CPLX2: variants seen among roughly 807,000 people sequenced by gnomAD.
CPLX2 encodes complexin-2.
CPLX2 carries 5 observed loss-of-function variants against 16.3 expected under a neutral mutation model. The ratio of observed to expected loss-of-function variants is 0.31; its 90% confidence interval spans 0.16 to 0.64. The LOEUF is 0.64. Among genes scored for constraint, CPLX2 ranks in the 30% least tolerant of loss-of-function variants. The probability of loss-of-function intolerance (pLI) is 0.79; values close to 1 mark genes in which losing one functional copy is unlikely to be tolerated. For synonymous variants in CPLX2, 89 were observed against 73.2 expected (o/e 1.22, Z -1.10); for missense variants, 144 against 181.4 (o/e 0.79, Z 1.18).
chr5:175,869,294 G>C (rs529907313), upstream of CPLX2, among the ~76,000 whole-genome samples: 22 of 152,326 alleles, frequency 1.4e-4, no homozygotes, highest in South Asian at 4.1e-3. Flanking sequence ...AGCTTAGGCA[G>C]TTTTTTATAG....
chr5:175,822,372 C>T (rs1758527886), intron 2 of CPLX2, among the ~76,000 whole-genome samples: 2 of 152,170 alleles, frequency 1.3e-5, no homozygotes, highest in Admixed American at 6.5e-5. Flanking sequence ...GGGTCTCAGC[C>T]CAGTGACTCA....
intron 1 of CPLX2, among the ~76,000 whole-genome samples, chr5:175,799,343 A>C (rs4867805): frequency 0.42 from 63,485 of 151,690 alleles, 14,366 homozygotes; most frequent in Middle Eastern, 0.58. Context: ...TGGGGAGAAA[A>C]TGGCCCAAAG....
chr5:175,862,195 T>C (rs1759385660), intron 2 of CPLX2, among the ~76,000 whole-genome samples: 1 of 152,208 alleles, frequency 6.6e-6, no homozygotes, highest in Non-Finnish European at 1.5e-5. Flanking sequence ...AGATGCTCAG[T>C]ATGTGTTTGC....
At chr5:175,818,200 G>A (rs1474457777) in intron 2 of CPLX2, among the ~76,000 whole-genome samples, 1 of 152,142 alleles carries the variant, frequency 6.6e-6, no homozygotes, top group Non-Finnish European at 1.5e-5. Context: ...ACTAGGGAGG[G>A]GAAGGATGAG....
chr5:175,874,196 C>T (rs1039327611), intron 1 of CPLX2, among the ~76,000 whole-genome samples: 1 of 152,114 alleles, frequency 6.6e-6, no homozygotes, highest in Non-Finnish European at 1.5e-5. Context: ...GAGGGAGAGA[C>T]AGTTAGAGGT....
intron 1 of CPLX2, among the ~76,000 whole-genome samples, chr5:175,807,207 G>A (rs1489064286): frequency 2.0e-5 from 3 of 152,180 alleles, no homozygotes; most frequent in Non-Finnish European, 4.4e-5. Context: ...AGTAGTTCAC[G>A]CTTTTGATTC....
At chr5:175,832,231 A>G (rs976120377) in intron 2 of CPLX2, among the ~76,000 whole-genome samples, 1 of 152,144 alleles carries the variant, frequency 6.6e-6, no homozygotes, top group African/African-American at 2.4e-5. Context: ...CTCATTTCCT[A>G]TGTGCCTGGC....
intron 2 of CPLX2, among the ~76,000 whole-genome samples, chr5:175,829,746 G>A (rs1460294719): frequency 6.6e-6 from 1 of 152,210 alleles, no homozygotes; most frequent in Non-Finnish European, 1.5e-5. Flanking sequence ...TGAAGAAACT[G>A]AGAGACTTTA....
chr5:175,808,476 A>C (rs781243870), intron 1 of CPLX2, among the ~76,000 whole-genome samples: 1 of 152,070 alleles, frequency 6.6e-6, no homozygotes, highest in Non-Finnish European at 1.5e-5. Context: ...AGTGTAAAAA[A>C]AAAATCTTCA....
chr5:175,827,757 CAATA>C (rs570632804), intron 2 of CPLX2, among the ~76,000 whole-genome samples: 2 of 152,004 alleles, frequency 1.3e-5, no homozygotes, highest in African/African-American at 2.4e-5. Flanking sequence ...GACTCCGTCT[CAATA>C]AATAAATAAA....
upstream of CPLX2, chr5:175,871,447 G>GAA (rs1759603317): frequency 1.0e-5 from 1 of 95,734 alleles, no homozygotes; most frequent in African/African-American, 4.2e-5. Flanking sequence ...GAGAGAGAGA[G>GAA]AGAGAGAGAG....
intron 1 of CPLX2, among the ~76,000 whole-genome samples, chr5:175,798,427 A>T (rs1758032549): frequency 6.6e-6 from 1 of 152,196 alleles, no homozygotes; most frequent in South Asian, 2.1e-4. Context: ...CAGGCCAGAA[A>T]AGGAAACAAA....
At chr5:175,870,953 T>TG (rs1181285715), upstream of CPLX2, among the ~76,000 whole-genome samples, 1 of 152,038 alleles carries the variant, frequency 6.6e-6, no homozygotes, top group Non-Finnish European at 1.5e-5. Flanking sequence ...GACACTGTGC[T>TG]GGGGGGCTGC....
intron 2 of CPLX2, among the ~76,000 whole-genome samples, chr5:175,857,362 C>T (rs1159846121): frequency 2.6e-5 from 4 of 152,340 alleles, no homozygotes; most frequent in South Asian, 2.1e-4. Flanking sequence ...ATTTCTGCAG[C>T]GCACTCACCA....
At chr5:175,801,333 T>C (rs960443789) in intron 1 of CPLX2, among the ~76,000 whole-genome samples, 3 of 152,088 alleles carry the variant, frequency 2.0e-5, no homozygotes, top group Admixed American at 2.0e-4. Context: ...AGAACAACAG[T>C]AGCCCACGCT....
chr5:175,839,914 T>G (rs1758916620), intron 2 of CPLX2, among the ~76,000 whole-genome samples: 1 of 152,258 alleles, frequency 6.6e-6, no homozygotes, highest in Non-Finnish European at 1.5e-5. Context: ...TACTGCCAAA[T>G]GTGGCATTTT....
intron 2 of CPLX2, among the ~76,000 whole-genome samples, chr5:175,833,778 T>C (rs1172154871): frequency 6.6e-6 from 1 of 152,136 alleles, no homozygotes; most frequent in Admixed American, 6.5e-5. Context: ...TCTCCGCCCC[T>C]TCCTGCCATA....
chr5:175,839,178 C>T (rs988833789), intron 2 of CPLX2, among the ~76,000 whole-genome samples: 5 of 152,108 alleles, frequency 3.3e-5, no homozygotes, highest in South Asian at 2.1e-4. Context: ...ATTATAGGCA[C>T]GAGCCACCAC....
chr5:175,800,193 G>A (rs1353734526), intron 1 of CPLX2, among the ~76,000 whole-genome samples: 2 of 152,050 alleles, frequency 1.3e-5, no homozygotes, highest in Non-Finnish European at 2.9e-5. Context: ...ATGGGTATGT[G>A]TGTCCTGACT....
Sources: gnomAD v4.1 joint callset for allele counts (sites outside exome capture counted in the v4.1 genomes callset) on GRCh38, gnomAD v4.1.1 for gene constraint, MANE v1.5 for transcripts, NCBI Gene and HGNC (gene_info 2026-07-23, HGNC 2026-07-21) for gene names.